Variants in SPAG16 observed in about 807,000 individuals in gnomAD.
The protein encoded by SPAG16 is sperm associated antigen 16, also known as sperm-associated antigen 16 protein.
SPAG16 carries 86 observed loss-of-function variants against 80.4 expected under a neutral mutation model. That is an observed-to-expected ratio of 1.07 (90% CI 0.90 to 1.28). The LOEUF is 1.28. Ranked by LOEUF, SPAG16 falls within the 50% of genes most tolerant of loss-of-function variation. SPAG16 has a pLI of 0.00. For synonymous variants in SPAG16, 294 were observed against 265.9 expected, an observed-to-expected ratio of 1.11 and a Z score of -1.03; for missense variants, 870 against 765.3, an observed-to-expected ratio of 1.14 and a Z score of -1.61.
chr2:213,310,236 T>G lies in SPAG16; in HGVS notation c.398+59T>G. The G allele has an allele frequency of 2.5e-6, 3 of 1,213,168 alleles. No homozygotes were observed. The African/African-American group carries it at 4.6e-5, about 18-fold the overall frequency. 75.2% of individuals were successfully genotyped at this position (1,213,168 alleles called of 1,614,324 possible). On this transcript the variant is annotated intron_variant, in intron 4 of 15. Coordinates refer to ENST00000331683, the MANE Select transcript of SPAG16 (RefSeq NM_024532.5). ...AATTCTAACATTTAACATATACACT[T>G]TTAAGTGTCTTAGGAGACTTTGAAA...
chr2:213,789,590 T>C (rs1464356477), intron 10 of SPAG16, among the ~76,000 whole-genome samples: 1 of 151,928 alleles, frequency 6.6e-6, no homozygotes, highest in Non-Finnish European at 1.5e-5. Flanking sequence ...AGACAAACCA[T>C]TCCAGCACAA....
intron 15 of SPAG16, among the ~76,000 whole-genome samples, chr2:214,191,767 A>C (rs1457295671): frequency 6.6e-6 from 1 of 151,462 alleles, no homozygotes; most frequent in African/African-American, 2.4e-5. Flanking sequence ...GCTGTGAACC[A>C]ATCATAAAAA....
intron 10 of SPAG16, among the ~76,000 whole-genome samples, chr2:213,553,401 A>G (rs1203908256): frequency 1.3e-5 from 2 of 152,182 alleles, no homozygotes; most frequent in Admixed American, 6.5e-5. Context: ...GGTATAGGCT[A>G]TCAGCATGGT....
chr2:213,637,699 T>C (rs549709047), intron 10 of SPAG16, among the ~76,000 whole-genome samples: 2 of 152,308 alleles, frequency 1.3e-5, no homozygotes, highest in East Asian at 1.9e-4. Flanking sequence ...GAATTATCCA[T>C]CTTCTCTGGG....
In SPAG16 at chr2:213,827,153, T is replaced by C. The variant is rs549581017; in HGVS notation, c.1071-35332T>C. Among the ~76,000 whole-genome samples the C allele has an allele frequency of 1.3e-4, 20 of 152,154 alleles. No homozygotes were observed. The East Asian group carries it at 3.9e-3, about 29-fold the overall frequency. On this transcript the variant is annotated intron_variant, in intron 10 of 15. Coordinates refer to ENST00000331683, the MANE Select transcript of SPAG16 (RefSeq NM_024532.5). ...TTCTCATCAATTTAGCCACTCTATGTCTTTTAATTGGAGAGTTTAGTCCAT... is the reference window on the plus strand; with the variant it reads ...TTCTCATCAATTTAGCCACTCTATGCCTTTTAATTGGAGAGTTTAGTCCAT...
intron 10 of SPAG16, among the ~76,000 whole-genome samples, chr2:213,777,551 G>T (rs1267223221): frequency 1.3e-5 from 2 of 151,970 alleles, no homozygotes; most frequent in Admixed American, 1.3e-4. Flanking sequence ...GATTACAGGC[G>T]CCCGCCTCCA....
At chr2:213,581,279 A>G (rs867859137) in intron 10 of SPAG16, among the ~76,000 whole-genome samples, 11 of 152,176 alleles carry the variant, frequency 7.2e-5, no homozygotes, top group African/African-American at 1.9e-4. Context: ...GTACAGTGGT[A>G]CAATCATGGT....
At chr2:213,290,344 G>T (rs1252502545) in intron 1 of SPAG16, among the ~76,000 whole-genome samples, 1 of 152,156 alleles carries the variant, frequency 6.6e-6, no homozygotes, top group Non-Finnish European at 1.5e-5. Context: ...ACCTGGCCTG[G>T]ACTTGGATGG....
chr2:214,222,478 C>T (rs1017194), intron 15 of SPAG16, among the ~76,000 whole-genome samples: 19,437 of 152,080 alleles, frequency 0.13, 1,279 homozygotes, highest in East Asian at 0.18. Context: ...AACCAGCCAC[C>T]TACACAAACT....
intron 15 of SPAG16, 130 bp from the exon 16 acceptor site, chr2:214,410,010 T>C: frequency 2.2e-6 from 2 of 892,742 alleles, no homozygotes; most frequent in Non-Finnish European, 3.4e-6. Flanking sequence ...AGCTACTGCA[T>C]ATTTAATAAC....
chr2:213,415,606 G>A (rs2069207715), intron 9 of SPAG16, among the ~76,000 whole-genome samples: 1 of 152,186 alleles, frequency 6.6e-6, no homozygotes, highest in Admixed American at 6.5e-5. Context: ...GATTACGTTT[G>A]TAGTGTGTGT....
At chr2:213,679,907 C>T (rs913430731) in intron 10 of SPAG16, among the ~76,000 whole-genome samples, 1 of 151,986 alleles carries the variant, frequency 6.6e-6, no homozygotes, top group African/African-American at 2.4e-5. Context: ...AATCTATTCA[C>T]CAATTTGGTG....
intron 10 of SPAG16, among the ~76,000 whole-genome samples, chr2:213,617,726 T>C (rs557983767): frequency 6.6e-6 from 1 of 152,048 alleles, no homozygotes; most frequent in Non-Finnish European, 1.5e-5. Context: ...GTCAGGAGGA[T>C]CCCATGGGCC....
chr2:213,333,384 T>G (rs934403621), intron 5 of SPAG16, among the ~76,000 whole-genome samples: 11 of 152,120 alleles, frequency 7.2e-5, no homozygotes, highest in African/African-American at 2.4e-4. Context: ...CATTACATGT[T>G]TATGGGTTCT....
chr2:213,335,274 T>C (rs907553299), intron 5 of SPAG16, among the ~76,000 whole-genome samples: 2 of 152,178 alleles, frequency 1.3e-5, no homozygotes, highest in African/African-American at 4.8e-5. Context: ...ATTACATCCC[T>C]ATCTACAATC....
At chr2:214,313,420 T>A (rs1402736601) in intron 15 of SPAG16, among the ~76,000 whole-genome samples, 1 of 152,158 alleles carries the variant, frequency 6.6e-6, no homozygotes, top group Non-Finnish European at 1.5e-5. Context: ...TTTCATTTTA[T>A]TCTAGAATGT....
At chr2:213,775,053 A>G (rs922969550) in intron 10 of SPAG16, among the ~76,000 whole-genome samples, 10 of 152,176 alleles carry the variant, frequency 6.6e-5, no homozygotes, top group Non-Finnish European at 1.0e-4. Context: ...TTTGTTAGTG[A>G]GCTCAGATTC....
At chr2:214,222,079 A>G (rs2058585546) in intron 15 of SPAG16, among the ~76,000 whole-genome samples, 1 of 150,430 alleles carries the variant, frequency 6.6e-6, no homozygotes, top group African/African-American at 2.4e-5. Flanking sequence ...AAGACATTAA[A>G]ATGTGTTGAG....
chr2:214,386,914 G>T (rs1473850640), intron 15 of SPAG16, among the ~76,000 whole-genome samples: 1 of 150,530 alleles, frequency 6.6e-6, no homozygotes, highest in Non-Finnish European at 1.5e-5. Context: ...GAACTACTTT[G>T]CTTTTGACAG....
Sources: allele counts gnomAD v4.1 joint callset (sites outside exome capture counted in the v4.1 genomes callset), GRCh38; gene constraint gnomAD v4.1.1; transcripts MANE v1.5; gene names NCBI Gene and HGNC (gene_info 2026-07-23, HGNC 2026-07-21).